Variants in WWP2 observed in about 807,000 individuals in gnomAD.
WWP2 encodes WW domain containing E3 ubiquitin protein ligase 2.
Under a neutral mutation model 121.0 loss-of-function variants are expected in WWP2, and 57 were observed. The ratio of observed to expected loss-of-function variants is 0.47; its 90% CI spans 0.38 to 0.59. The LOEUF is 0.59. WWP2 is among the 20% of genes least tolerant of loss of function. The pLI is 0.00. For missense variants in WWP2, 962 were observed against 1,158.9 expected, an observed-to-expected ratio of 0.83 and a Z score of 2.47; for synonymous variants, 449 against 441.3, an observed-to-expected ratio of 1.02 and a Z score of -0.22.
chr16:69,839,486 A>T (rs1318575586), intron 4 of WWP2, among the ~76,000 whole-genome samples: 1 of 152,146 alleles, frequency 6.6e-6, no homozygotes. Context: ...CACCCACAGG[A>T]CTGAATCTGC....
At chr16:69,936,977 C>G in intron 19 of WWP2, 141 bp from the exon 20 acceptor site, 1 of 1,203,724 alleles carries the variant, frequency 8.3e-7, no homozygotes, top group Non-Finnish European at 1.1e-6. Context: ...ACTCTAGGTC[C>G]TCCAGCAGGC....
chr16:69,925,577 C>A lies in WWP2; in HGVS notation c.1234+93C>A. On this transcript the variant is annotated intron_variant, in intron 11 of 23. Transcript: ENST00000359154. The surrounding 1 kb of genome is among the most constrained non-coding windows in gnomAD (Gnocchi z 4.0). ...GCGTGTCTTCCTTCCCTGTTCCTGT[C>A]CCTCTGTTTTCCATCTCTCCCCTCT... 6.7e-7 allele frequency: 1 copy of A among 1,488,860 alleles called. No homozygotes were observed. Among genetic ancestry groups the A allele is most frequent in the Non-Finnish European group, 9.1e-7 (1 of 1,096,560 alleles). 92.2% of individuals were successfully genotyped at this position (1,488,860 alleles called of 1,614,324 possible).
chr16:69,851,199 G>A (rs539726946), intron 6 of WWP2, among the ~76,000 whole-genome samples: 1 of 149,572 alleles, frequency 6.7e-6, no homozygotes, highest in Admixed American at 6.7e-5. Context: ...TGTATTTTTA[G>A]TAGAGATGAG....
At chr16:69,849,660 T>TG (rs2057164197) in intron 6 of WWP2, among the ~76,000 whole-genome samples, 2 of 152,144 alleles carry the variant, frequency 1.3e-5, no homozygotes, top group South Asian at 4.1e-4. Flanking sequence ...AAAGTAATCA[T>TG]GGCTGGGCAT....
At chr16:69,861,888 A>G (rs756907156) in intron 6 of WWP2, among the ~76,000 whole-genome samples, 3 of 152,262 alleles carry the variant, frequency 2.0e-5, no homozygotes, top group Non-Finnish European at 2.9e-5. Flanking sequence ...TTAAAAGACA[A>G]TGACCAGTTA....
intron 4 of WWP2, among the ~76,000 whole-genome samples, chr16:69,819,777 T>TA (rs1180983574): frequency 2.0e-5 from 3 of 152,144 alleles, no homozygotes; most frequent in Admixed American, 2.0e-4. Flanking sequence ...TTCAGTGATT[T>TA]AAAAAAACAT....
chr16:69,815,081 C>T (rs1178025899), intron 4 of WWP2, among the ~76,000 whole-genome samples: 2 of 152,090 alleles, frequency 1.3e-5, no homozygotes, highest in African/African-American at 4.8e-5. Context: ...TGGCTCACTG[C>T]AACCTTCGCT....
At chr16:69,825,776 C>T (rs1340238430) in intron 4 of WWP2, among the ~76,000 whole-genome samples, 1 of 151,700 alleles carries the variant, frequency 6.6e-6, no homozygotes, top group African/African-American at 2.4e-5. Flanking sequence ...CAGGTGCATG[C>T]CACTACACCT....
At chr16:69,786,905 G>A in intron 1 of WWP2, 91 bp from the exon 2 acceptor site, 1 of 1,182,756 alleles carries the variant, frequency 8.5e-7, no homozygotes, top group Non-Finnish European at 1.2e-6. Flanking sequence ...TTTCTTGCCT[G>A]TTTCTTTAAG....
intron 10 of WWP2, among the ~76,000 whole-genome samples, chr16:69,922,753 T>C (rs2058581539): frequency 6.6e-6 from 1 of 152,234 alleles, no homozygotes; most frequent in African/African-American, 2.4e-5. Context: ...CAAGTTGTAC[T>C]GCGTACCTTA....
chr16:69,913,808 G>A (rs1259257468), intron 9 of WWP2, among the ~76,000 whole-genome samples: 3 of 151,836 alleles, frequency 2.0e-5, no homozygotes, highest in African/African-American at 4.8e-5. Context: ...GGTGGCTCAC[G>A]CATGTAATCC....
At chr16:69,908,238 C>T (rs1467977878) in intron 8 of WWP2, among the ~76,000 whole-genome samples, 1 of 152,080 alleles carries the variant, frequency 6.6e-6, no homozygotes, top group African/African-American at 2.4e-5. Flanking sequence ...GAGTGAGACC[C>T]TGTTTCATTA....
chr16:69,857,945 G>A (rs939138601), intron 6 of WWP2, among the ~76,000 whole-genome samples: 2 of 151,966 alleles, frequency 1.3e-5, no homozygotes, highest in Non-Finnish European at 2.9e-5. Context: ...ACCGCATCCG[G>A]CCTAACAGTA....
intron 1 of WWP2, among the ~76,000 whole-genome samples, chr16:69,767,746 G>T (rs1025363886): frequency 1.4e-4 from 21 of 152,164 alleles, no homozygotes; most frequent in South Asian, 1.2e-3. Context: ...ACTGTCCATG[G>T]CTTTCCCCTA....
At chr16:69,812,992 A>T (rs899066996) in intron 4 of WWP2, among the ~76,000 whole-genome samples, 1 of 152,034 alleles carries the variant, frequency 6.6e-6, no homozygotes, top group Non-Finnish European at 1.5e-5. Context: ...TCTGATGCCT[A>T]TAGATTTTTA....
chr16:69,789,357 G>A (rs1351730778), intron 2 of WWP2, among the ~76,000 whole-genome samples: 1 of 152,172 alleles, frequency 6.6e-6, no homozygotes, highest in East Asian at 1.9e-4. Context: ...AGCCTCCTCA[G>A]TAGCTGGGAC....
chr16:69,849,398 A>G (rs1296107674), intron 6 of WWP2, among the ~76,000 whole-genome samples: 2 of 152,232 alleles, frequency 1.3e-5, no homozygotes, highest in African/African-American at 2.4e-5. Flanking sequence ...CCTCCCATGC[A>G]GTAGCTTATG....
At chr16:69,779,001 G>A (rs549968583) in intron 1 of WWP2, among the ~76,000 whole-genome samples, 1 of 149,666 alleles carries the variant, frequency 6.7e-6, no homozygotes, top group East Asian at 2.0e-4. Flanking sequence ...CCAGGCTGGA[G>A]TGCAATGGTG....
chr16:69,881,715 A>G (rs1412396186), intron 7 of WWP2, among the ~76,000 whole-genome samples: 2 of 152,234 alleles, frequency 1.3e-5, no homozygotes, highest in Non-Finnish European at 2.9e-5. Context: ...TTTTTTAGAT[A>G]GAGCCTCACT....
Sources: gnomAD v4.1 joint callset for allele counts (sites outside exome capture counted in the v4.1 genomes callset) on GRCh38, gnomAD v4.1.1 for gene constraint, Gnocchi (gnomAD v3.1) non-coding constraint, MANE v1.5 for transcripts, NCBI Gene and HGNC (gene_info 2026-07-23, HGNC 2026-07-21) for gene names.